MROH2B: variants seen among roughly 807,000 people sequenced by gnomAD.
The protein encoded by MROH2B is maestro heat like repeat family member 2B.
MROH2B carries 177 observed loss-of-function variants against 208.6 expected under a neutral mutation model. The observed-to-expected ratio is 0.85, with a 90% CI of 0.75 to 0.96. MROH2B has a LOEUF of 0.96. MROH2B is among the 40% of genes least tolerant of loss of function. The pLI is 0.00. For missense variants in MROH2B, 2,002 were observed against 1,878.7 expected (o/e 1.07, Z -1.21); for synonymous variants, 728 against 659.0 (o/e 1.10, Z -1.60).
Position 41,000,329 on chromosome 5 carries a change from A to G in MROH2B, c.4373T>C (p.Val1458Ala). The stretch of plus-strand genomic sequence containing the variant: ...CTGGAGGCCCAAAAAGGGAATGCAG[A>G]CCATCAAGACATCACGGCAAGCCTG... ...IGVACRDVLM[V>A]CIPFLGLQEL... The change falls in exon 39 of 42, where the codon GTC becomes GCC. Residue 1458 changes from valine (V) to alanine (A), a missense_variant. Val to Ala is a moderately conservative substitution (Grantham distance 64). Transcript: ENST00000399564. 2 of 1,613,844 alleles carry G rather than the reference A, an allele frequency of 1.2e-6. No individual in the cohort carries two copies. The highest frequency in any genetic ancestry group is 1.3e-5 in the African/African-American group (1 of 75,054).
intron 24 of MROH2B, among the ~76,000 whole-genome samples, chr5:41,029,912 C>G (rs1742507198): frequency 6.6e-6 from 1 of 151,738 alleles, no homozygotes; most frequent in African/African-American, 2.4e-5. Context: ...CAGCATCATG[C>G]AATATACAAA....
intron 21 of MROH2B, among the ~76,000 whole-genome samples, chr5:41,035,070 C>A (rs561207137): frequency 3.3e-5 from 5 of 152,166 alleles, no homozygotes; most frequent in African/African-American, 7.2e-5. Flanking sequence ...TTACCAATGT[C>A]ATTCTTCACA....
chr5:41,022,992 A>G (rs1002710444), intron 24 of MROH2B, among the ~76,000 whole-genome samples: 1 of 152,232 alleles, frequency 6.6e-6, no homozygotes, highest in Admixed American at 6.5e-5. Flanking sequence ...CCTGACTGTT[A>G]GAAGGAAAAC....
In MROH2B at chr5:41,051,225, A is replaced by G. The variant is rs1380131986; in HGVS notation, c.1231-135T>C. 63 of 445,070 alleles carry G rather than the reference A, an allele frequency of 1.4e-4. No homozygotes were observed. In the Admixed American group the frequency reaches 2.1e-3, roughly 15 times the overall value. The allele number at this position is 445,070 out of a possible 1,614,324, so 27.6% of individuals were successfully genotyped here. A position where few individuals can be genotyped will look rare whatever the true frequency, so the allele number is the denominator to read the frequency against. On this transcript the variant is annotated intron_variant, in intron 12 of 41. Transcript: ENST00000399564. ...CTTAAGGGGCTCATGGAACCTAGAT[A>G]TCTTGGCCTTCAACATCTAATCCCT...
At chr5:41,060,486 C>T (rs76760874) in intron 6 of MROH2B, among the ~76,000 whole-genome samples, 2,147 of 152,188 alleles carry the variant, frequency 0.014, 51 homozygotes, top group African/African-American at 0.048. Flanking sequence ...TTCTCTCTTC[C>T]CTTCTCCATC....
intron 3 of MROH2B, 29 bp from the exon 4 acceptor site, chr5:41,065,519 C>T: frequency 1.2e-6 from 2 of 1,603,492 alleles, no homozygotes; most frequent in East Asian, 2.2e-5. Context: ...ATAACAATAA[C>T]AACTAGAAAA....
rs370533032 is a variant in MROH2B, at chr5:41,000,217, C to T, written c.4482+3G>A. ...TTGGAGGCGGCATCTATTGGACACT[C>T]ACCAGTTTCACACAGAATTGCCTGT... On this transcript the variant is annotated splice_donor_region_variant and intron_variant, in intron 39 of 41. Coordinates refer to ENST00000399564, the MANE Select transcript of MROH2B (RefSeq NM_173489.5). 1.2e-6 allele frequency: 2 copies of T among 1,613,654 alleles called. No homozygotes were observed. Among genetic ancestry groups the T allele is most frequent in the African/African-American group, 2.7e-5 (2 of 74,910 alleles).
Position 40,999,715 on chromosome 5 carries a change from G to A in MROH2B, c.4547C>T (p.Thr1516Ile), listed in dbSNP as rs1037022290. ...HTHSFTFFTS[T>I]WEVIRSAAVK... is the part of the protein sequence containing the mutation. ...AGCTGCACTCCTGATCACCTCCCAGGTGCTGGTGAAGAAGGTGAAGGAGTG... is the reference window on the plus strand; with the variant it reads ...AGCTGCACTCCTGATCACCTCCCAGATGCTGGTGAAGAAGGTGAAGGAGTG... Residue 1516 changes from threonine (T) to isoleucine (I), a missense_variant, in exon 40 of 42, where the codon ACC becomes ATC. Thr to Ile is a moderately conservative substitution (Grantham distance 89, BLOSUM62 -1). Transcript: ENST00000399564. 6.2e-7 allele frequency: 1 copy of A among 1,613,586 alleles called. No individual in the cohort carries two copies. The highest frequency in any genetic ancestry group is 8.5e-7 in the Non-Finnish European group (1 of 1,179,656).
At chr5:41,067,449 C>T (rs970988408) in intron 2 of MROH2B, among the ~76,000 whole-genome samples, 1 of 152,062 alleles carries the variant, frequency 6.6e-6, no homozygotes, top group Non-Finnish European at 1.5e-5. Context: ...TCACTGCAAC[C>T]TCTGCCTCCT....
At chr5:41,048,630 TTAGA>T (rs754089991) in intron 15 of MROH2B, among the ~76,000 whole-genome samples, 165 bp from the exon 16 acceptor site, 1 of 152,216 alleles carries the variant, frequency 6.6e-6, no homozygotes, top group Non-Finnish European at 1.5e-5. Context: ...AAGCTAATAC[TTAGA>T]TAGCCCTTCT....
intron 24 of MROH2B, among the ~76,000 whole-genome samples, chr5:41,031,346 G>C (rs1742562489): frequency 6.6e-6 from 1 of 151,970 alleles, no homozygotes; most frequent in Non-Finnish European, 1.5e-5. Context: ...CAGCATGGAG[G>C]AAACCACTCC....
At chr5:41,039,208 C>T (rs944713556) in intron 20 of MROH2B, among the ~76,000 whole-genome samples, 1 of 152,044 alleles carries the variant, frequency 6.6e-6, no homozygotes, top group Non-Finnish European at 1.5e-5. Flanking sequence ...GGTAGAGGGA[C>T]AAACTTAGGC....
intron 21 of MROH2B, among the ~76,000 whole-genome samples, chr5:41,036,338 T>C (rs985717625): frequency 9.9e-5 from 15 of 152,118 alleles, no homozygotes; most frequent in Non-Finnish European, 1.8e-4. Flanking sequence ...GGAGTTTCCC[T>C]GCACAAGCTC....
rs1486835754 is a variant in MROH2B, at chr5:41,033,102, T to TG, written c.2299dup (p.Gln767ProfsTer4). On this transcript the variant is annotated frameshift_variant, in exon 23 of 42. Coordinates refer to ENST00000399564, the MANE Select transcript of MROH2B (RefSeq NM_173489.5). LOFTEE classifies it high-confidence loss of function. The stretch of plus-strand genomic sequence containing the variant: ...CTGGAACCCCTGATCCTCAGCATCT[T>TG]GGACAGCAATGCCAATCTCAGTGAT... 6.2e-7 allele frequency: 1 copy of TG among 1,613,102 alleles called. No individual in the cohort carries two copies. Among genetic ancestry groups the TG allele is most frequent in the Non-Finnish European group, 8.5e-7 (1 of 1,179,288 alleles).
At chr5:41,008,531 C>G in intron 33 of MROH2B, 75 bp downstream of exon 33, 1 of 1,531,354 alleles carries the variant, frequency 6.5e-7, no homozygotes, top group Non-Finnish European at 8.9e-7. Flanking sequence ...AGCACAGACC[C>G]TGACTTCTGC....
intron 12 of MROH2B, 115 bp downstream of exon 12, chr5:41,052,350 T>C: frequency 1.0e-6 from 1 of 1,001,598 alleles, no homozygotes; most frequent in East Asian, 3.1e-5. Context: ...ATTTATTTAT[T>C]TTTTACTCTA....
intron 11 of MROH2B, among the ~76,000 whole-genome samples, chr5:41,054,099 C>A (rs1020836683): frequency 7.2e-5 from 11 of 152,054 alleles, no homozygotes; most frequent in African/African-American, 2.2e-4. Flanking sequence ...TGTGCCTCAG[C>A]CTCATGAGTA....
chr5:41,005,108 A>G (rs1196727202), intron 35 of MROH2B, 188 bp from the exon 36 acceptor site: 4 of 695,542 alleles, frequency 5.8e-6, no homozygotes, highest in African/African-American at 1.8e-5. Context: ...GCACAGGTCA[A>G]GCTTGCATGG....
chr5:41,067,794 G>C (rs897820637), intron 2 of MROH2B, among the ~76,000 whole-genome samples: 1 of 152,178 alleles, frequency 6.6e-6, no homozygotes, highest in African/African-American at 2.4e-5. Context: ...AACCAGGAGA[G>C]GCTACCTGCC....
Sources: gnomAD v4.1 joint callset for allele counts (sites outside exome capture counted in the v4.1 genomes callset) on GRCh38, gnomAD v4.1.1 for gene constraint, MANE v1.5 for transcripts, NCBI Gene and HGNC (gene_info 2026-07-23, HGNC 2026-07-21) for gene names.